Variants in KIAA1217 observed in about 807,000 individuals in gnomAD.
The protein encoded by KIAA1217 is KIAA1217, also known as sickle tail protein homolog.
In KIAA1217, 88 loss-of-function variants were observed where a neutral mutation model predicts 163.9. That is an observed-to-expected ratio of 0.54 (90% CI 0.45 to 0.64). KIAA1217 has a LOEUF of 0.64. Ranked by LOEUF, KIAA1217 falls within the 30% of genes least tolerant of loss-of-function variation. The pLI is 0.00. For synonymous variants in KIAA1217, 903 were observed against 923.1 expected, an observed-to-expected ratio of 0.98 and a Z score of 0.39; for missense variants, 2,372 against 2,475.0, an observed-to-expected ratio of 0.96 and a Z score of 0.88.
chr10:24,249,343 A>C (rs1242944671), intron 2 of KIAA1217, among the ~76,000 whole-genome samples: 1 of 152,196 alleles, frequency 6.6e-6, no homozygotes, highest in Non-Finnish European at 1.5e-5. Flanking sequence ...TACTTAGGGG[A>C]AAGGGGGTAG....
At chr10:24,542,400 CAT>C (rs1402709911) in intron 17 of KIAA1217, 5 of 596,040 alleles carry the variant, frequency 8.4e-6, no homozygotes, top group African/African-American at 7.4e-5. Context: ...GAAAAGAGGA[CAT>C]GTTAGTAATG....
intron 2 of KIAA1217, among the ~76,000 whole-genome samples, chr10:24,156,302 A>G (rs749515693): frequency 3.9e-5 from 6 of 152,028 alleles, no homozygotes; most frequent in African/African-American, 1.4e-4. Flanking sequence ...TCAATAATTC[A>G]TTTCTTTTTA....
At chr10:24,246,450 CT>C (rs1332938841) in intron 2 of KIAA1217, among the ~76,000 whole-genome samples, 1 of 152,142 alleles carries the variant, frequency 6.6e-6, no homozygotes, top group Non-Finnish European at 1.5e-5. Flanking sequence ...ATTGCCCAAA[CT>C]TTTTCTCAAA....
intron 1 of KIAA1217, among the ~76,000 whole-genome samples, chr10:23,790,102 TAC>T (rs1160707910): frequency 1.1e-5 from 1 of 95,184 alleles, no homozygotes; most frequent in South Asian, 3.3e-4. Flanking sequence ...TATACACATA[TAC>T]ACATATGCAT....
chr10:24,325,088 C>G (rs1416400952), intron 2 of KIAA1217, among the ~76,000 whole-genome samples: 1 of 152,180 alleles, frequency 6.6e-6, no homozygotes, highest in African/African-American at 2.4e-5. Flanking sequence ...TTCTACTTCT[C>G]AAAGAACAAT....
intron 1 of KIAA1217, among the ~76,000 whole-genome samples, chr10:23,886,796 T>G (rs2131203896): frequency 6.6e-6 from 1 of 152,000 alleles, no homozygotes; most frequent in Admixed American, 6.6e-5. Flanking sequence ...TGATAACAAA[T>G]TAGTAGTCAT....
At chr10:23,945,713 T>C (rs1361960155) in intron 1 of KIAA1217, among the ~76,000 whole-genome samples, 5 of 152,156 alleles carry the variant, frequency 3.3e-5, no homozygotes, top group Admixed American at 3.3e-4. Flanking sequence ...ATAAAATAAG[T>C]GGTGCATTTG....
intron 1 of KIAA1217, among the ~76,000 whole-genome samples, chr10:23,729,291 T>A (rs982524504): frequency 6.6e-6 from 1 of 152,220 alleles, no homozygotes; most frequent in Admixed American, 6.5e-5. Context: ...ACATAAGTTT[T>A]CATTTCCATT....
At chr10:24,097,954 G>A (rs542046265) in intron 2 of KIAA1217, among the ~76,000 whole-genome samples, 4 of 152,020 alleles carry the variant, frequency 2.6e-5, no homozygotes, top group Non-Finnish European at 5.9e-5. Context: ...GGAACTACAG[G>A]CCACGGATCT....
At chr10:23,999,971 T>A (rs531303887) in intron 1 of KIAA1217, among the ~76,000 whole-genome samples, 2 of 151,982 alleles carry the variant, frequency 1.3e-5, no homozygotes, top group East Asian at 3.9e-4. Context: ...GGAGGCTGAG[T>A]GGGAGGATCA....
At chr10:24,537,866 G>C (rs951295307) in intron 17 of KIAA1217, among the ~76,000 whole-genome samples, 1 of 152,108 alleles carries the variant, frequency 6.6e-6, no homozygotes, top group East Asian at 1.9e-4. Flanking sequence ...AGCACTCTAG[G>C]GAAACGACCA....
chr10:24,490,906 A>G (rs1282787084), intron 6 of KIAA1217, among the ~76,000 whole-genome samples: 7 of 152,196 alleles, frequency 4.6e-5, no homozygotes, highest in African/African-American at 1.7e-4. Context: ...CCTTCCTCAC[A>G]GATACAAAAA....
intron 3 of KIAA1217, among the ~76,000 whole-genome samples, chr10:24,429,865 A>C (rs2059451076): frequency 6.6e-6 from 1 of 152,196 alleles, no homozygotes. Context: ...TTGTCAGGCC[A>C]GACATGGTAG....
chr10:24,518,861 A>G (rs3748217), intron 10 of KIAA1217, among the ~76,000 whole-genome samples: 15,210 of 152,262 alleles, frequency 0.1, 1,047 homozygotes, highest in East Asian at 0.14. Flanking sequence ...GTCCTGAAGT[A>G]GCATCATTTC....
At chr10:24,166,331 G>A (rs1214421459) in intron 2 of KIAA1217, among the ~76,000 whole-genome samples, 1 of 152,102 alleles carries the variant, frequency 6.6e-6, no homozygotes, top group East Asian at 1.9e-4. Flanking sequence ...TTCATGTTAA[G>A]AATAATCTTG....
At chr10:24,465,717 G>A (rs1308482952) in intron 5 of KIAA1217, among the ~76,000 whole-genome samples, 17 of 152,210 alleles carry the variant, frequency 1.1e-4, no homozygotes, top group Non-Finnish European at 2.4e-4. Context: ...CCTCCGCTGA[G>A]AGCTGCACAA....
chr10:24,120,534 C>T (rs1331006950), intron 2 of KIAA1217, among the ~76,000 whole-genome samples: 1 of 152,160 alleles, frequency 6.6e-6, no homozygotes, highest in Non-Finnish European at 1.5e-5. Flanking sequence ...CTGGCTAGCT[C>T]CCATCAACTA....
intron 2 of KIAA1217, among the ~76,000 whole-genome samples, chr10:24,340,107 G>C (rs186827643): frequency 8.7e-4 from 132 of 152,342 alleles, no homozygotes; most frequent in Non-Finnish European, 1.5e-3. Context: ...GACTGGGTAG[G>C]AGAATGGCTA....
At chr10:24,030,522 T>C (rs1209292357) in intron 2 of KIAA1217, among the ~76,000 whole-genome samples, 1 of 152,180 alleles carries the variant, frequency 6.6e-6, no homozygotes. Context: ...TTAAACCTCT[T>C]TCCTTTATAA....
Sources: gnomAD v4.1 joint callset for allele counts (sites outside exome capture counted in the v4.1 genomes callset) on GRCh38, gnomAD v4.1.1 for gene constraint, MANE v1.5 for transcripts, NCBI Gene and HGNC (gene_info 2026-07-23, HGNC 2026-07-21) for gene names.